The following NECTIN1 variants were observed in gnomAD, a reference collection of about 807,000 sequenced individuals.
The protein encoded by NECTIN1 is nectin-1.
A neutral mutation model predicts 48.0 loss-of-function variants in NECTIN1; 23 were observed. That is an observed-to-expected ratio of 0.48 (90% confidence interval 0.34 to 0.68). NECTIN1 has a LOEUF of 0.68. NECTIN1 is among the 30% of genes least tolerant of loss of function. The probability of loss-of-function intolerance (pLI) is 0.01; values close to 1 mark genes in which losing one functional copy is unlikely to be tolerated. For missense variants in NECTIN1, 591 were observed against 709.9 expected, an observed-to-expected ratio of 0.83 and a Z score of 1.90; for synonymous variants, 270 against 288.9, an observed-to-expected ratio of 0.93 and a Z score of 0.66.
Position 119,661,889 on chromosome 11 carries a change from G to A in NECTIN1, c.*2858C>T, listed in dbSNP as rs1864673092. On this transcript the variant is annotated 3_prime_UTR_variant, in exon 6 of 6. Coordinates refer to ENST00000264025, the MANE Select transcript of NECTIN1 (RefSeq NM_002855.5). ...GCGTGGGTGTGTTGGAGGTGTGAGT[G>A]TGTCCACTGTGGGCACACGTACTGG... is the stretch of plus-strand genomic sequence containing the variant. 1 of 985,434 alleles carries A rather than the reference G, an allele frequency of 1.0e-6. No individual in the cohort carries two copies. Among genetic ancestry groups the A allele is most frequent in the Non-Finnish European group, 1.2e-6 (1 of 829,996 alleles). The allele number at this position is 985,434 out of a possible 1,614,324, so 61.0% of individuals were successfully genotyped here.
Position 119,675,280 on chromosome 11 carries a change from C to T in NECTIN1, c.882G>A (p.Glu294=), listed in dbSNP as rs369558386. The T allele has an allele frequency of 5.0e-6, 8 of 1,613,966 alleles. No individual in the cohort carries two copies. Among genetic ancestry groups the T allele is most frequent in the South Asian group, 4.4e-5 (4 of 91,076 alleles). The change falls in exon 5 of 6, where the codon GAG becomes GAA. Residue 294 remains glutamate (E), a synonymous_variant. Transcript: ENST00000264025. ...TGAAGAAGAGGGTTCTGTTCTGGGCCTCCACACCCTTGGGGAGAGAGCCAT... is the reference window on the plus strand; with the variant it reads ...TGAAGAAGAGGGTTCTGTTCTGGGCTTCCACACCCTTGGGGAGAGAGCCAT... The part of the protein sequence containing the change: ...TLNGSLPKGV[E]AQNRTLFFKG...
At position 119,664,479 on chromosome 11, in the gene NECTIN1, T is replaced by G; in HGVS notation, c.*268A>C. 1 of 1,291,666 alleles carries G rather than the reference T, an allele frequency of 7.7e-7. No homozygotes were observed. The highest frequency in any genetic ancestry group is 9.8e-7 in the Non-Finnish European group (1 of 1,016,452). The allele number at this position is 1,291,666 out of a possible 1,614,324, so 80.0% of individuals were successfully genotyped here. On this transcript the variant is annotated 3_prime_UTR_variant, in exon 6 of 6. Transcript: ENST00000264025. ...GCTCCCTACACAGAGGGCAGGCAGG[T>G]GGGGCCCGTAAAGGGAAGATACAGT...
At position 119,663,755 on chromosome 11, in the gene NECTIN1, G is replaced by C. The variant is rs1336580644; in HGVS notation, c.*992C>G. The C allele has an allele frequency of 2.0e-6, 2 of 985,394 alleles. No homozygotes were observed. The highest frequency in any genetic ancestry group is 4.7e-5 in the South Asian group (1 of 21,294). The allele number at this position is 985,394 out of a possible 1,614,324, so 61.0% of individuals were successfully genotyped here. ...CCTCCACGCTGTAAGAAGCAGTTTG[G>C]GGCAGGCCTGAGATCCTAGGGTGGA... On this transcript the variant is annotated 3_prime_UTR_variant, in exon 6 of 6. Transcript: ENST00000264025.
chr11:119,723,150 C>G (rs1362466082), intron 1 of NECTIN1, among the ~76,000 whole-genome samples: 1 of 134,116 alleles, frequency 7.5e-6, no homozygotes, highest in Non-Finnish European at 1.5e-5. Context: ...ACCCAGGAGG[C>G]AGAGGTTGCA....
At chr11:119,724,215 C>A (rs1461565476) in intron 1 of NECTIN1, among the ~76,000 whole-genome samples, 3 of 152,124 alleles carry the variant, frequency 2.0e-5, no homozygotes, top group Non-Finnish European at 1.5e-5. Context: ...AGCAAAGATG[C>A]CAAATTAGGA....
intron 1 of NECTIN1, among the ~76,000 whole-genome samples, chr11:119,692,925 C>T (rs1236585808): frequency 1.3e-5 from 2 of 152,196 alleles, no homozygotes; most frequent in African/African-American, 2.4e-5. Flanking sequence ...GCAGCCCCTG[C>T]CTGCTGGCAG....
At chr11:119,706,777 G>A (rs1021400760) in intron 1 of NECTIN1, among the ~76,000 whole-genome samples, 6 of 152,206 alleles carry the variant, frequency 3.9e-5, no homozygotes, top group African/African-American at 1.2e-4. Context: ...GAGAATAAAT[G>A]CTGGAACAGC....
chr11:119,688,128 T>C (rs968707333), intron 1 of NECTIN1, among the ~76,000 whole-genome samples: 1 of 152,238 alleles, frequency 6.6e-6, no homozygotes, highest in Non-Finnish European at 1.5e-5. Context: ...TCGAGAAAGG[T>C]GCATTAATCT....
Position 119,728,550 on chromosome 11 carries a change from C to T in NECTIN1, c.4G>A (p.Ala2Thr). The T allele has an allele frequency of 6.3e-7, 1 of 1,576,408 alleles. No homozygotes were observed. The highest frequency in any genetic ancestry group is 8.6e-7 in the Non-Finnish European group (1 of 1,160,216). The stretch of plus-strand genomic sequence containing the variant: ...GCGGCGCCCGCAAGCCCCATCCGAG[C>T]CATCGGGGGCCGGGGGTCCGGCGAG... MARMGLAGAAGR... is the reference protein window; with the variant it reads MTRMGLAGAAGR... The change falls in exon 1 of 6, where the codon GCT becomes ACT. Residue 2 changes from alanine to threonine, a missense_variant. Transcript: ENST00000264025.
At position 119,665,775 on chromosome 11, in the gene NECTIN1, T is replaced by C. The variant is rs1375705257; in HGVS notation, c.1004-478A>G. Among the ~76,000 whole-genome samples the C allele has an allele frequency of 1.3e-5, 2 of 152,142 alleles. No individual in the cohort carries two copies. The highest frequency in any genetic ancestry group is 2.9e-5 in the Non-Finnish European group (2 of 68,044). ...CCACCCAGCAATGATGCATCGTTGC[T>C]TCTCCTGCACATAGAACGTGTGCAA... On this transcript the variant is annotated intron_variant, in intron 5 of 5. Transcript: ENST00000264025. This position sits in a 1 kb window ranked among gnomAD's most constrained non-coding sequence, Gnocchi z 5.1.
At position 119,662,117 on chromosome 11, in the gene NECTIN1, T is replaced by C; in HGVS notation, c.*2630A>G. The C allele has an allele frequency of 4.1e-6, 4 of 985,510 alleles. No homozygotes were observed. The highest frequency in any genetic ancestry group is 4.8e-6 in the Non-Finnish European group (4 of 829,940). 61.0% of individuals were successfully genotyped at this position (985,510 alleles called of 1,614,324 possible). ...AGGCAGGATGACAACTGGGGAGGCC[T>C]TGGCACAATTCATACCAAGTTTATT... On this transcript the variant is annotated 3_prime_UTR_variant, in exon 6 of 6. Coordinates refer to ENST00000264025, the MANE Select transcript of NECTIN1 (RefSeq NM_002855.5). The surrounding 1 kb of genome is among the most constrained non-coding windows in gnomAD (Gnocchi z 5.3).
chr11:119,705,765 G>A (rs1865537909), intron 1 of NECTIN1, among the ~76,000 whole-genome samples: 1 of 152,232 alleles, frequency 6.6e-6, no homozygotes. Flanking sequence ...TGGTGGAGGC[G>A]ACTGCAATCA....
Position 119,678,738 on chromosome 11 carries a change from T to C in NECTIN1, c.107A>G (p.Asn36Ser), listed in dbSNP as rs1865008367. Residue 36 changes from asparagine (N) to serine (S), a missense_variant, in exon 2 of 6, where the codon AAC becomes AGC. Coordinates refer to ENST00000264025, the MANE Select transcript of NECTIN1 (RefSeq NM_002855.5). The surrounding 1 kb of genome is among the most constrained non-coding windows in gnomAD (Gnocchi z 4.4). ...PGVHSQVVQV[N>S]DSMYGFIGTD... ...GCCGATGAAGCCATACATGGAGTCGTTCACCTGGACCACCTGGGAGTGGAC... is the reference window on the plus strand; with the variant it reads ...GCCGATGAAGCCATACATGGAGTCGCTCACCTGGACCACCTGGGAGTGGAC... 2 of 1,612,412 alleles carry C rather than the reference T, an allele frequency of 1.2e-6. No homozygotes were observed. The highest frequency in any genetic ancestry group is 1.7e-6 in the Non-Finnish European group (2 of 1,179,400).
intron 5 of NECTIN1, among the ~76,000 whole-genome samples, chr11:119,648,418 GTGATGGTGGTGA>G (rs1864443976): frequency 6.1e-5 from 5 of 81,648 alleles, no homozygotes; most frequent in African/African-American, 1.1e-4. Context: ...GATGGTGGTG[GTGATGGTGGTGA>G]TGGTGGTGGT....
At chr11:119,676,009 G>GAAA (rs33954161) in intron 4 of NECTIN1, among the ~76,000 whole-genome samples, 53 of 143,308 alleles carry the variant, frequency 3.7e-4, no homozygotes, top group Non-Finnish European at 4.3e-4. Flanking sequence ...CCGTCTCAAA[G>GAAA]AAAAAAAAAA....
intron 1 of NECTIN1, among the ~76,000 whole-genome samples, chr11:119,703,296 G>A (rs552129844): frequency 1.3e-5 from 2 of 152,372 alleles, no homozygotes; most frequent in Non-Finnish European, 1.5e-5. Context: ...TGTGTCCCAC[G>A]TGCTGGAGGC....
At chr11:119,656,741 G>T (rs560227831), downstream of NECTIN1, among the ~76,000 whole-genome samples, 11 of 152,202 alleles carry the variant, frequency 7.2e-5, no homozygotes, top group African/African-American at 2.4e-4. Context: ...GACTCAAAGA[G>T]CACAGGCCCT....
intron 1 of NECTIN1, among the ~76,000 whole-genome samples, chr11:119,717,546 C>T (rs372674157): frequency 2.0e-5 from 3 of 152,146 alleles, no homozygotes; most frequent in Non-Finnish European, 2.9e-5. Context: ...TGGGCAATCA[C>T]GATAAAATAA....
At chr11:119,722,049 T>A (rs944944556) in intron 1 of NECTIN1, among the ~76,000 whole-genome samples, 2 of 152,228 alleles carry the variant, frequency 1.3e-5, no homozygotes, top group African/African-American at 4.8e-5. Flanking sequence ...GCCTGGTTCA[T>A]CCTCTTCCGT....
Sources: gnomAD v4.1 joint callset for allele counts (sites outside exome capture counted in the v4.1 genomes callset) on GRCh38, gnomAD v4.1.1 for gene constraint, Gnocchi (gnomAD v3.1) non-coding constraint, MANE v1.5 for transcripts, NCBI Gene and HGNC (gene_info 2026-07-23, HGNC 2026-07-21) for gene names.